Variants in APBB2 observed in about 807,000 individuals in gnomAD.
APBB2 encodes the protein amyloid beta precursor protein binding family B member 2, also known as Fe65-like 1.
In APBB2, 38 loss-of-function variants were observed where a neutral mutation model predicts 82.5. The ratio of observed to expected loss-of-function variants is 0.46; its 90% CI spans 0.36 to 0.60. The LOEUF is 0.60. APBB2 is among the 20% of genes least tolerant of loss of function. APBB2 has a pLI of 0.00. For missense variants in APBB2, 772 were observed against 972.3 expected, an observed-to-expected ratio of 0.79 and a Z score of 2.74; for synonymous variants, 341 against 368.2, an observed-to-expected ratio of 0.93 and a Z score of 0.85.
intron 1 of APBB2, among the ~76,000 whole-genome samples, chr4:41,196,032 G>A: frequency 0.2 from 30,550 of 151,764 alleles, 4,201 homozygotes; most frequent in African/African-American, 0.39. Context: ...TGGTGGCGGC[G>A]CCTGTAGTCC....
chr4:41,092,732 T>C (rs1279749966), intron 3 of APBB2, among the ~76,000 whole-genome samples: 1 of 151,928 alleles, frequency 6.6e-6, no homozygotes, highest in Non-Finnish European at 1.5e-5. Context: ...GAGTTTTCAT[T>C]CAACTGTGCT....
intron 1 of APBB2, among the ~76,000 whole-genome samples, chr4:41,150,340 C>T (rs1052047500): frequency 1.6e-4 from 24 of 152,250 alleles, no homozygotes; most frequent in African/African-American, 5.5e-4. Flanking sequence ...TAACTTCCAA[C>T]TTAAGATTAG....
chr4:41,195,727 C>T, intron 1 of APBB2, among the ~76,000 whole-genome samples: 6,020 of 151,302 alleles, frequency 0.04, 160 homozygotes, highest in Middle Eastern at 0.1. Flanking sequence ...TTAGATCCTT[C>T]TGACTCCTCT....
chr4:41,064,253 C>T (rs1256271769), intron 4 of APBB2, among the ~76,000 whole-genome samples: 1 of 152,140 alleles, frequency 6.6e-6, no homozygotes, highest in Non-Finnish European at 1.5e-5. Flanking sequence ...GCTGGGATTA[C>T]AGGCGTGAGC....
intron 1 of APBB2, among the ~76,000 whole-genome samples, chr4:41,199,604 A>G (rs930563841): frequency 8.5e-5 from 13 of 152,346 alleles, no homozygotes; most frequent in South Asian, 4.1e-4. Flanking sequence ...TAAACTCTTA[A>G]TAGAGGTGCC....
At chr4:40,831,026 G>A (rs1354768150) in intron 12 of APBB2, among the ~76,000 whole-genome samples, 1 of 152,222 alleles carries the variant, frequency 6.6e-6, no homozygotes, top group Non-Finnish European at 1.5e-5. Context: ...TTGAGCCCAG[G>A]AGTTTGAGGT....
chr4:41,071,353 A>G (rs1484172664), intron 3 of APBB2, among the ~76,000 whole-genome samples: 1 of 152,192 alleles, frequency 6.6e-6, no homozygotes, highest in Non-Finnish European at 1.5e-5. Flanking sequence ...ATCATTCTGC[A>G]GTTATAGTAC....
intron 1 of APBB2, among the ~76,000 whole-genome samples, chr4:41,181,942 C>CAAA (rs35142945): frequency 1.1e-5 from 1 of 93,880 alleles, no homozygotes; most frequent in Non-Finnish European, 2.3e-5. Flanking sequence ...GAAACTGTCT[C>CAAA]AAAAAAAAAA....
chr4:40,906,464 C>CAAAAAAAAAAAAAAAAAAAAAAAAAAATA (rs5857755), intron 10 of APBB2, among the ~76,000 whole-genome samples: 1 of 67,990 alleles, frequency 1.5e-5, no homozygotes, highest in Non-Finnish European at 2.6e-5. Context: ...AAACCTGTCT[C>CAAAAAAAAAAAAAAAAAAAAAAAAAAATA]AAAAAAAAAA....
intron 17 of APBB2, 108 bp from the exon 18 acceptor site, chr4:40,816,367 C>A: frequency 8.9e-7 from 1 of 1,126,600 alleles, no homozygotes; most frequent in Non-Finnish European, 1.3e-6. Flanking sequence ...AGGTTAACGA[C>A]CTAGTTCCTA....
At chr4:40,907,676 T>A (rs1357028029) in intron 10 of APBB2, among the ~76,000 whole-genome samples, 3 of 145,802 alleles carry the variant, frequency 2.1e-5, no homozygotes, top group Non-Finnish European at 4.5e-5. Flanking sequence ...TGACCCTTTT[T>A]TTTTTTTTTT....
chr4:41,028,227 G>C (rs1366943152), intron 5 of APBB2, among the ~76,000 whole-genome samples: 1 of 152,204 alleles, frequency 6.6e-6, no homozygotes, highest in African/African-American at 2.4e-5. Flanking sequence ...ACAAAGTAAA[G>C]ATACCTATGG....
intron 1 of APBB2, among the ~76,000 whole-genome samples, chr4:41,212,774 C>T (rs1441449356): frequency 6.6e-6 from 1 of 152,150 alleles, no homozygotes; most frequent in Non-Finnish European, 1.5e-5. Context: ...TATGATCAAC[C>T]CACTGTACTC....
At chr4:41,160,283 G>C (rs1311273845) in intron 1 of APBB2, among the ~76,000 whole-genome samples, 1 of 152,174 alleles carries the variant, frequency 6.6e-6, no homozygotes, top group Admixed American at 6.5e-5. Context: ...AGCTTATGAA[G>C]TGATTAGTCA....
At chr4:41,000,178 C>T (rs1057093940) in intron 6 of APBB2, among the ~76,000 whole-genome samples, 1 of 150,984 alleles carries the variant, frequency 6.6e-6, no homozygotes, top group Non-Finnish European at 1.5e-5. Context: ...GGGGGATCAC[C>T]TGAGTCCAGG....
At chr4:41,029,786 T>C (rs1030948428) in intron 5 of APBB2, among the ~76,000 whole-genome samples, 1 of 152,178 alleles carries the variant, frequency 6.6e-6, no homozygotes, top group Admixed American at 6.5e-5. Flanking sequence ...AAACTCACAA[T>C]GGCTGAAGTT....
intron 6 of APBB2, among the ~76,000 whole-genome samples, chr4:40,978,133 T>C (rs1308639645): frequency 6.6e-6 from 1 of 152,222 alleles, no homozygotes; most frequent in African/African-American, 2.4e-5. Flanking sequence ...GCCCACAGCA[T>C]ACTTGACAAC....
chr4:40,975,138 G>C (rs1420036838), intron 6 of APBB2, among the ~76,000 whole-genome samples: 1 of 152,006 alleles, frequency 6.6e-6, no homozygotes, highest in Non-Finnish European at 1.5e-5. Flanking sequence ...GGTTCTATCA[G>C]CTTATTTTTT....
intron 3 of APBB2, among the ~76,000 whole-genome samples, chr4:41,094,509 A>G (rs1436137928): frequency 6.6e-6 from 1 of 152,236 alleles, no homozygotes; most frequent in Non-Finnish European, 1.5e-5. Context: ...CTTTACCTAT[A>G]GAATGAAAAA....
Sources: gnomAD v4.1 joint callset for allele counts (sites outside exome capture counted in the v4.1 genomes callset) on GRCh38, gnomAD v4.1.1 for gene constraint, MANE v1.5 for transcripts, NCBI Gene and HGNC (gene_info 2026-07-23, HGNC 2026-07-21) for gene names.